SUPT3H: variants seen among roughly 807,000 people sequenced by gnomAD.
The protein encoded by SUPT3H is transcription initiation protein SPT3 homolog.
A neutral mutation model predicts 44.3 loss-of-function variants in SUPT3H; 44 were observed. That is an observed-to-expected ratio of 0.99 (90% CI 0.78 to 1.28). The LOEUF (loss-of-function observed/expected upper bound fraction) is 1.28, where lower values mean the gene tolerates loss of function less well. Among genes scored for constraint, SUPT3H ranks in the 50% most tolerant of loss-of-function variants. SUPT3H has a pLI of 0.00. For missense variants in SUPT3H, 380 were observed against 387.1 expected (o/e 0.98, Z 0.15); for synonymous variants, 124 against 125.6 (o/e 0.99, Z 0.09).
At chr6:45,030,108 A>C (rs1254921260) in intron 3 of SUPT3H, among the ~76,000 whole-genome samples, 1 of 151,534 alleles carries the variant, frequency 6.6e-6, no homozygotes, top group Admixed American at 6.6e-5. Context: ...TGAAATGAAA[A>C]TACAATTTGA....
intron 2 of SUPT3H, among the ~76,000 whole-genome samples, chr6:45,352,237 C>T (rs1254714879): frequency 2.6e-5 from 4 of 152,128 alleles, no homozygotes; most frequent in Non-Finnish European, 4.4e-5. Context: ...GTCTACCTGA[C>T]AATTTCAGCC....
At chr6:44,872,751 C>A (rs910842787) in intron 10 of SUPT3H, among the ~76,000 whole-genome samples, 1 of 49,514 alleles carries the variant, frequency 2.0e-5, no homozygotes, top group African/African-American at 6.3e-5. Context: ...ATTCAGGAAA[C>A]CCATCTCACG....
rs141016658 is a variant in SUPT3H, at chr6:45,029,939, A to G, written c.187-9307T>C. Among the ~76,000 whole-genome samples, 216 of 152,096 alleles carry G rather than the reference A, an allele frequency of 1.4e-3. 1 individual carries two copies. The Middle Eastern group carries it at 0.024, about 17-fold the overall frequency. On this transcript the variant is annotated intron_variant, in intron 3 of 10. Transcript: ENST00000371459. ...GCCATCATGCCTAGCTAATTTTTGT[A>G]TTCTTTTTGTAGAGACAGGATCTCA... is the stretch of plus-strand genomic sequence containing the variant.
intron 2 of SUPT3H, chr6:45,250,815 G>C (rs113290923): frequency 6.6e-6 from 1 of 151,812 alleles, no homozygotes; most frequent in African/African-American, 2.4e-5. Context: ...GGATCAGAAG[G>C]GCATAAGACT....
rs1248857664 is a variant in SUPT3H at position 45,328,316 on chromosome 6, T to C, written c.101+36885A>G. On this transcript the variant is annotated intron_variant, in intron 2 of 10. Transcript: ENST00000371459. ...TTTTAAAGCTTTTGCTTTTTTGGATTGTGTGAATGCTTCATTCGCCTCACA... is the reference window on the plus strand; with the variant it reads ...TTTTAAAGCTTTTGCTTTTTTGGATCGTGTGAATGCTTCATTCGCCTCACA... 5 of 1,370,886 alleles carry C rather than the reference T, an allele frequency of 3.6e-6. No homozygotes were observed. In the African/African-American group the frequency reaches 7.4e-5, roughly 20 times the overall value. The allele number at this position is 1,370,886 out of a possible 1,614,324, so 84.9% of individuals were successfully genotyped here.
chr6:44,872,643 T>A (rs1459148977), intron 10 of SUPT3H, among the ~76,000 whole-genome samples: 28 of 129,772 alleles, frequency 2.2e-4, no homozygotes, highest in Non-Finnish European at 4.9e-5. Flanking sequence ...AATTCAAACA[T>A]AACAATATTA....
intron 9 of SUPT3H, among the ~76,000 whole-genome samples, chr6:44,948,371 G>A (rs1309798929): frequency 2.0e-5 from 3 of 152,098 alleles, no homozygotes; most frequent in African/African-American, 2.4e-5. Context: ...AATGGCAACA[G>A]AAGCCAAAAT....
At chr6:45,171,576 T>G (rs534480363) in intron 2 of SUPT3H, among the ~76,000 whole-genome samples, 32 of 152,236 alleles carry the variant, frequency 2.1e-4, no homozygotes, top group South Asian at 2.1e-3. Context: ...TGTCCCCAAA[T>G]TGAACAGTGA....
At chr6:44,962,880 C>G (rs898437192) in intron 6 of SUPT3H, among the ~76,000 whole-genome samples, 3 of 151,914 alleles carry the variant, frequency 2.0e-5, no homozygotes, top group Non-Finnish European at 2.9e-5. Flanking sequence ...TTTTCCCCTT[C>G]CTTATTTTCT....
intron 10 of SUPT3H, among the ~76,000 whole-genome samples, chr6:44,894,800 A>G (rs1763865109): frequency 6.6e-6 from 1 of 151,738 alleles, no homozygotes; most frequent in Non-Finnish European, 1.5e-5. Context: ...AGGCCAGGAA[A>G]ACCATGTTAA....
chr6:45,208,220 G>A (rs1763508973), intron 2 of SUPT3H, among the ~76,000 whole-genome samples: 1 of 152,130 alleles, frequency 6.6e-6, no homozygotes, highest in Admixed American at 6.5e-5. Flanking sequence ...CTAGACCAAG[G>A]CATTAATTCT....
rs1766374350 is a variant in SUPT3H, at chr6:44,809,578, T to C, written c.*53-77A>G. On this transcript the variant is annotated intron_variant and NMD_transcript_variant, in intron 11 of 11. Transcript: ENST00000475057. ...AAGTTGGTACAGAGAGAAATGTTATTTTCAGGCTTCTAAAAAGGCATTACA... is the reference window on the plus strand; with the variant it reads ...AAGTTGGTACAGAGAGAAATGTTATCTTCAGGCTTCTAAAAAGGCATTACA... The C allele has an allele frequency of 2.0e-5, 3 of 152,220 alleles. No individual in the cohort carries two copies. In the South Asian group the frequency reaches 6.2e-4, roughly 32 times the overall value. The allele number at this position is 152,220 out of a possible 1,614,324, so 9.4% of individuals were successfully genotyped here.
chr6:45,111,271 T>C (rs1296874583), intron 2 of SUPT3H, among the ~76,000 whole-genome samples: 1 of 152,148 alleles, frequency 6.6e-6, no homozygotes, highest in Non-Finnish European at 1.5e-5. Flanking sequence ...GACCTCGTGA[T>C]CTGCCCACCT....
chr6:45,237,774 AT>A (rs1160261822), intron 2 of SUPT3H, among the ~76,000 whole-genome samples: 4 of 152,220 alleles, frequency 2.6e-5, no homozygotes, highest in African/African-American at 4.8e-5. Flanking sequence ...CATAGCTTCA[AT>A]ATTTTCCCCT....
chr6:45,343,041 C>A (rs1790135422), intron 2 of SUPT3H, among the ~76,000 whole-genome samples: 1 of 152,168 alleles, frequency 6.6e-6, no homozygotes. Context: ...TTACCACCTA[C>A]CTTGAAAGTT....
chr6:45,024,710 G>C (rs953381709), intron 3 of SUPT3H, among the ~76,000 whole-genome samples: 1 of 152,122 alleles, frequency 6.6e-6, no homozygotes, highest in Non-Finnish European at 1.5e-5. Context: ...GCATTATTCC[G>C]GGAGTGACTA....
intron 2 of SUPT3H, among the ~76,000 whole-genome samples, chr6:45,223,933 A>T (rs1319097567): frequency 1.3e-5 from 2 of 150,256 alleles, no homozygotes; most frequent in African/African-American, 4.9e-5. Context: ...TAAAAATGAT[A>T]GAAATACTTA....
At chr6:45,285,093 C>G (rs1197298739) in intron 2 of SUPT3H, among the ~76,000 whole-genome samples, 8 of 151,720 alleles carry the variant, frequency 5.3e-5, no homozygotes, top group Admixed American at 2.0e-4. Context: ...GGACATATCT[C>G]AAAATAATAA....
intron 10 of SUPT3H, among the ~76,000 whole-genome samples, chr6:44,909,803 A>G (rs1385751629): frequency 6.6e-6 from 1 of 152,198 alleles, no homozygotes; most frequent in East Asian, 1.9e-4. Flanking sequence ...ACAAGTCTTC[A>G]GGAAACATTT....
Sources: allele counts gnomAD v4.1 joint callset (sites outside exome capture counted in the v4.1 genomes callset), GRCh38; gene constraint gnomAD v4.1.1; transcripts MANE v1.5; gene names NCBI Gene and HGNC (gene_info 2026-07-23, HGNC 2026-07-21).